Variants in NRXN3 observed in about 807,000 individuals in gnomAD.
The protein encoded by NRXN3 is neurexin 3.
In NRXN3, 32 loss-of-function variants were observed where a neutral mutation model predicts 137.6. The observed-to-expected ratio is 0.23, with a 90% CI of 0.18 to 0.31. The LOEUF is 0.31. NRXN3 is among the 10% of genes least tolerant of loss of function. NRXN3 has a pLI of 1.00. For synonymous variants in NRXN3, 798 were observed against 784.5 expected (o/e 1.02, Z -0.29); for missense variants, 1,574 against 2,062.5 (o/e 0.76, Z 4.59).
At chr14:79,194,157 T>C (rs12431880) in intron 15 of NRXN3, among the ~76,000 whole-genome samples, 5,421 of 152,294 alleles carry the variant, frequency 0.036, 229 homozygotes, top group East Asian at 0.21. Flanking sequence ...CTTAGACAAC[T>C]AAAACTTTCG....
At chr14:78,480,098 G>C (rs571639169) in intron 4 of NRXN3, among the ~76,000 whole-genome samples, 1 of 152,116 alleles carries the variant, frequency 6.6e-6, no homozygotes, top group Admixed American at 6.6e-5. Flanking sequence ...CAGAGATCAC[G>C]CCATGGCACT....
chr14:78,934,636 A>G (rs1385774794), intron 10 of NRXN3, among the ~76,000 whole-genome samples: 10 of 152,168 alleles, frequency 6.6e-5, no homozygotes, highest in Non-Finnish European at 7.3e-5. Flanking sequence ...AGAAATAAAA[A>G]ATGATGAGTT....
At chr14:79,208,506 G>A (rs2067135105) in intron 15 of NRXN3, among the ~76,000 whole-genome samples, 1 of 152,112 alleles carries the variant, frequency 6.6e-6, no homozygotes. Context: ...TCATTGCAAT[G>A]CCTCTGAACA....
At chr14:78,724,890 A>G (rs1273818226) in intron 8 of NRXN3, among the ~76,000 whole-genome samples, 3 of 152,222 alleles carry the variant, frequency 2.0e-5, no homozygotes, top group Non-Finnish European at 4.4e-5. Flanking sequence ...TGACAAGTAC[A>G]TCTGGAACTT....
At chr14:79,555,370 A>C (rs1457135436) in intron 16 of NRXN3, among the ~76,000 whole-genome samples, 3 of 152,174 alleles carry the variant, frequency 2.0e-5, no homozygotes. Flanking sequence ...TTGGTGTTTT[A>C]TCCTGCAAAG....
At chr14:78,237,467 C>G (rs2066466665) in intron 1 of NRXN3, among the ~76,000 whole-genome samples, 1 of 152,200 alleles carries the variant, frequency 6.6e-6, no homozygotes, top group Non-Finnish European at 1.5e-5. Flanking sequence ...AAAATCCTCT[C>G]CAATGGTGGA....
At chr14:79,468,027 A>T (rs1399365106) in intron 16 of NRXN3, among the ~76,000 whole-genome samples, 1 of 152,244 alleles carries the variant, frequency 6.6e-6, no homozygotes, top group Non-Finnish European at 1.5e-5. Flanking sequence ...AATGTGTGAT[A>T]AAAACTGAGA....
chr14:79,128,455 T>C (rs1453816828), intron 15 of NRXN3, among the ~76,000 whole-genome samples: 9 of 150,460 alleles, frequency 6.0e-5, no homozygotes, highest in Admixed American at 6.6e-5. Flanking sequence ...TTGTCTTTGG[T>C]TCTGTTTATA....
intron 15 of NRXN3, among the ~76,000 whole-genome samples, chr14:79,169,268 T>G (rs2061562022): frequency 6.6e-6 from 1 of 152,108 alleles, no homozygotes; most frequent in South Asian, 2.1e-4. Flanking sequence ...CTTTAACTCT[T>G]TTCACTCTGC....
intron 4 of NRXN3, among the ~76,000 whole-genome samples, chr14:78,445,445 G>C (rs1379747752): frequency 6.6e-6 from 1 of 152,200 alleles, no homozygotes; most frequent in East Asian, 1.9e-4. Context: ...GGGAGGCAGA[G>C]AGCCTTATCA....
intron 15 of NRXN3, among the ~76,000 whole-genome samples, chr14:79,114,949 C>T (rs1052305767): frequency 2.0e-5 from 3 of 152,206 alleles, no homozygotes; most frequent in East Asian, 1.9e-4. Flanking sequence ...TCTTTAAATA[C>T]GACATTACTC....
At chr14:79,439,337 C>T (rs1021062377) in intron 15 of NRXN3, among the ~76,000 whole-genome samples, 2 of 152,164 alleles carry the variant, frequency 1.3e-5, no homozygotes, top group Non-Finnish European at 2.9e-5. Flanking sequence ...ATTTAATATA[C>T]ATTTAATAAA....
intron 20 of NRXN3, among the ~76,000 whole-genome samples, chr14:79,806,963 T>TATATATATATATATA (rs59533138): frequency 1.5e-4 from 3 of 19,628 alleles, no homozygotes; most frequent in Admixed American, 8.1e-4. Context: ...TATATATATA[T>TATATATATATATATA]TTTTTTTTTT....
chr14:78,234,334 A>C (rs2065879043), intron 1 of NRXN3, among the ~76,000 whole-genome samples: 1 of 152,230 alleles, frequency 6.6e-6, no homozygotes, highest in South Asian at 2.1e-4. Context: ...ACAGTAGATA[A>C]CATTTATTTG....
At chr14:79,742,755 C>T (rs1280634547) in intron 19 of NRXN3, among the ~76,000 whole-genome samples, 1 of 152,168 alleles carries the variant, frequency 6.6e-6, no homozygotes, top group Non-Finnish European at 1.5e-5. Flanking sequence ...GCAATTTCTT[C>T]TGCACTGAAA....
intron 4 of NRXN3, among the ~76,000 whole-genome samples, chr14:78,311,512 C>T (rs1310034202): frequency 6.6e-6 from 1 of 152,166 alleles, no homozygotes; most frequent in Admixed American, 6.5e-5. Flanking sequence ...CTTAAACTTT[C>T]TTAAAACATT....
intron 16 of NRXN3, among the ~76,000 whole-genome samples, chr14:79,545,691 T>G (rs1398080911): frequency 3.3e-5 from 5 of 151,980 alleles, no homozygotes; most frequent in South Asian, 2.1e-4. Flanking sequence ...TGTTGTTGTT[T>G]TTTCACCAGG....
rs570546531 is a variant in NRXN3, at chr14:79,499,160, T to C, written c.3444+31758T>C. Among the ~76,000 whole-genome samples, 209 of 152,268 alleles carry C rather than the reference T, an allele frequency of 1.4e-3. 1 individual carries two copies. The highest frequency in any genetic ancestry group is 2.4e-3 in the Non-Finnish European group (164 of 68,024). On this transcript the variant is annotated intron_variant, in intron 16 of 20. Coordinates refer to ENST00000335750, the MANE Select transcript of NRXN3 (RefSeq NM_001330195.2). Reference sequence around the variant, plus strand: ...ATGTAGCTTTATATTATATTACCAATCCAATCTAAGTGCATTACCAAAGCT... The same window carrying C: ...ATGTAGCTTTATATTATATTACCAACCCAATCTAAGTGCATTACCAAAGCT...
intron 4 of NRXN3, among the ~76,000 whole-genome samples, chr14:78,354,198 T>A (rs1393491878): frequency 1.3e-5 from 2 of 152,200 alleles, no homozygotes; most frequent in Non-Finnish European, 2.9e-5. Context: ...CTTCAAAAGG[T>A]GGAAGCCTCT....
Sources: allele counts gnomAD v4.1 joint callset (sites outside exome capture counted in the v4.1 genomes callset), GRCh38; gene constraint gnomAD v4.1.1; transcripts MANE v1.5; gene names NCBI Gene and HGNC (gene_info 2026-07-23, HGNC 2026-07-21).